RBFOX1: variants seen among roughly 807,000 people sequenced by gnomAD.
RBFOX1 encodes RNA binding fox-1 homolog 1, also known as RNA binding protein fox-1 homolog 1.
A neutral mutation model predicts 57.7 loss-of-function variants in RBFOX1; 8 were observed. The observed-to-expected ratio is 0.14, with a 90% CI of 0.08 to 0.25. The LOEUF (loss-of-function observed/expected upper bound fraction) is 0.25. RBFOX1 is among the 10% of genes least tolerant of loss of function. The pLI is 1.00. For missense variants in RBFOX1, 611 were observed against 548.5 expected (o/e 1.11, Z -1.14); for synonymous variants, 326 against 222.4 (o/e 1.47, Z -4.15).
chr16:5,575,630 A>C (rs752761510), intron 2 of RBFOX1, among the ~76,000 whole-genome samples: 2 of 152,212 alleles, frequency 1.3e-5, no homozygotes, highest in Non-Finnish European at 2.9e-5. Context: ...CAAAGCTTCC[A>C]GAGGCGCATG....
At chr16:7,527,887 A>G (rs1316400643) in intron 5 of RBFOX1, among the ~76,000 whole-genome samples, 1 of 152,208 alleles carries the variant, frequency 6.6e-6, no homozygotes, top group Non-Finnish European at 1.5e-5. Context: ...CATTCATCAT[A>G]AGAATTGTGA....
chr16:6,008,204 C>A (rs1474908561), intron 4 of RBFOX1, among the ~76,000 whole-genome samples: 1 of 139,130 alleles, frequency 7.2e-6, no homozygotes, highest in Admixed American at 7.2e-5. Context: ...AACTGTATCC[C>A]CCCCACCCAC....
chr16:7,377,018 G>C (rs760258143), intron 4 of RBFOX1, among the ~76,000 whole-genome samples: 1 of 152,124 alleles, frequency 6.6e-6, no homozygotes, highest in Non-Finnish European at 1.5e-5. Context: ...ATTTCCATAG[G>C]TCCCTGTAAA....
chr16:6,872,533 G>A (rs150314236), intron 3 of RBFOX1, among the ~76,000 whole-genome samples: 3 of 152,162 alleles, frequency 2.0e-5, no homozygotes, highest in Non-Finnish European at 2.9e-5. Flanking sequence ...TTGAAAGTCT[G>A]GTTCCTGTTT....
At chr16:5,636,018 G>A (rs1164812526) in intron 3 of RBFOX1, among the ~76,000 whole-genome samples, 1 of 152,054 alleles carries the variant, frequency 6.6e-6, no homozygotes, top group Non-Finnish European at 1.5e-5. Context: ...AGACTAGTCT[G>A]GGCAACATAG....
chr16:6,752,631 C>A (rs979636379), intron 3 of RBFOX1, among the ~76,000 whole-genome samples: 1 of 152,140 alleles, frequency 6.6e-6, no homozygotes, highest in African/African-American at 2.4e-5. Flanking sequence ...CCATAATGTT[C>A]TTCCATTCCC....
At position 5,394,514 on chromosome 16, in the gene RBFOX1, C is replaced by G. The variant is rs139534901; in HGVS notation, c.220-72702C>G. 4.6e-5 allele frequency among the ~76,000 whole-genome samples: 7 copies of G among 151,788 alleles called. No individual in the cohort carries two copies. In the East Asian group the frequency reaches 1.4e-3, roughly 29 times the overall value. On this transcript the variant is annotated intron_variant, in intron 1 of 2. Transcript: ENST00000585867. ...CATATCTCAAATCTCTTTTTTACCC[C>G]TTCTTCTCTTCTCTTGTCTTGTCTT...
At chr16:6,124,991 A>T (rs2096578812) in intron 1 of RBFOX1, among the ~76,000 whole-genome samples, 4 of 152,182 alleles carry the variant, frequency 2.6e-5, no homozygotes, top group Admixed American at 2.0e-4. Context: ...AAGTTGAGCC[A>T]ACGCTTTGGA....
chr16:6,318,575 T>C (rs529306136), intron 2 of RBFOX1, among the ~76,000 whole-genome samples: 1 of 152,262 alleles, frequency 6.6e-6, no homozygotes, highest in Admixed American at 6.5e-5. Context: ...GTCTTCTGAA[T>C]ATGATTGAAA....
intron 3 of RBFOX1, among the ~76,000 whole-genome samples, chr16:6,683,914 C>T (rs2059046099): frequency 1.3e-5 from 2 of 152,184 alleles, no homozygotes; most frequent in Admixed American, 6.5e-5. Flanking sequence ...AGGGAGATCG[C>T]ATATGTGAAA....
chr16:7,401,309 A>G (rs1171467662), intron 4 of RBFOX1, among the ~76,000 whole-genome samples: 1 of 152,230 alleles, frequency 6.6e-6, no homozygotes, highest in African/African-American at 2.4e-5. Flanking sequence ...TTTAAATAGC[A>G]TCTGAATTAC....
chr16:6,835,319 A>C (rs918600961), intron 3 of RBFOX1, among the ~76,000 whole-genome samples: 1 of 152,214 alleles, frequency 6.6e-6, no homozygotes, highest in Non-Finnish European at 1.5e-5. Context: ...GTCCTAAGCT[A>C]GCCCTCATAT....
rs369118342 is a variant in RBFOX1, at chr16:6,300,883, C to G, written c.-126-16112C>G. Among the ~76,000 whole-genome samples, 261 of 152,202 alleles carry G rather than the reference C, an allele frequency of 1.7e-3. 1 individual carries two copies. Among genetic ancestry groups the G allele is most frequent in the African/African-American group, 6.1e-3 (253 of 41,522 alleles). ...TTCTATTAGCTATTATTAATGTGAG[C>G]TTGTTTAGAAAATGGAATGCCCCAT... is the stretch of plus-strand genomic sequence containing the variant. On this transcript the variant is annotated intron_variant, in intron 1 of 15. Transcript: ENST00000550418.
At chr16:6,627,953 C>G (rs1182829708) in intron 2 of RBFOX1, among the ~76,000 whole-genome samples, 2 of 152,244 alleles carry the variant, frequency 1.3e-5, no homozygotes, top group Non-Finnish European at 2.9e-5. Flanking sequence ...TCAAGGCCCA[C>G]TCTCAGCCTC....
chr16:5,659,247 C>T (rs1279145373), intron 3 of RBFOX1, among the ~76,000 whole-genome samples: 3 of 151,198 alleles, frequency 2.0e-5, no homozygotes, highest in African/African-American at 7.3e-5. Context: ...ATTTGCATTT[C>T]CCTGATGATT....
chr16:7,406,359 G>C (rs1481711139), intron 4 of RBFOX1, among the ~76,000 whole-genome samples: 2 of 152,146 alleles, frequency 1.3e-5, no homozygotes, highest in Non-Finnish European at 2.9e-5. Flanking sequence ...AGAGTAAACC[G>C]AGGCCCAGAG....
chr16:5,867,470 T>A (rs1250657024), intron 4 of RBFOX1: 3 of 592,700 alleles, frequency 5.1e-6, no homozygotes, highest in Non-Finnish European at 2.5e-6. Flanking sequence ...GTGTTTTCAG[T>A]TGAGTGGTTT....
intron 4 of RBFOX1, among the ~76,000 whole-genome samples, chr16:6,013,175 G>C (rs2094971987): frequency 6.6e-6 from 1 of 152,132 alleles, no homozygotes; most frequent in Non-Finnish European, 1.5e-5. Flanking sequence ...TATGAACGCA[G>C]GCTGTCCTAC....
intron 1 of RBFOX1, among the ~76,000 whole-genome samples, chr16:6,255,879 C>T (rs766524037): frequency 1.1e-4 from 16 of 151,228 alleles, no homozygotes; most frequent in South Asian, 4.2e-4. Context: ...CGTCACACAC[C>T]GGGGCCTGTA....
Sources: gnomAD v4.1 joint callset for allele counts (sites outside exome capture counted in the v4.1 genomes callset) on GRCh38, gnomAD v4.1.1 for gene constraint, MANE v1.5 for transcripts, NCBI Gene and HGNC (gene_info 2026-07-23, HGNC 2026-07-21) for gene names.